TAS2R1: variants seen among roughly 807,000 people sequenced by gnomAD.
TAS2R1 encodes taste 2 receptor member 1.
For missense variants in TAS2R1, 370 were observed against 353.4 expected (o/e 1.05, Z -0.38); for synonymous variants, 141 against 134.2 (o/e 1.05, Z -0.35).
the TAS2R1 span, among the ~76,000 whole-genome samples, chr5:9,746,532 A>G: frequency 6.6e-6 from 1 of 152,222 alleles, no homozygotes; most frequent in African/African-American, 2.4e-5. Flanking sequence ...CCCATCAATG[A>G]TAGACTGGAT....
In TAS2R1 at chr5:9,629,650, C is replaced by A. The variant is rs1039815708; in HGVS notation, c.383G>T (p.Trp128Leu). The part of the protein sequence containing the change: ...LKMRISKLVP[W>L]MILGSLLYVS... ...ATATAGCAGAGACCCCAGGATCATC[C>A]ATGGGACCAGCTTGGATATCCTCAT... The change falls in exon 1 of 1, where the codon TGG becomes TTG. Residue 128 changes from tryptophan to leucine, a missense_variant. Physicochemically the swap from Trp to Leu is moderately conservative, Grantham distance 61. Transcript: ENST00000382492. The A allele has an allele frequency of 6.2e-7, 1 of 1,613,988 alleles. No homozygotes were observed. The highest frequency in any genetic ancestry group is 8.5e-7 in the Non-Finnish European group (1 of 1,180,022).
chr5:9,694,162 A>G (rs1304113352), intron 1 of TAS2R1, among the ~76,000 whole-genome samples: 1 of 152,238 alleles, frequency 6.6e-6, no homozygotes, highest in African/African-American at 2.4e-5. Context: ...CAAACCAATT[A>G]CAAAATTGAC....
rs534466070 is a variant in TAS2R1, at chr5:9,689,175, T to C, written c.-242+22997A>G. On this transcript the variant is annotated intron_variant, in intron 1 of 2. Transcript: ENST00000506620. ...ACCTGGCTAGCTCACTCACTCCATC[T>C]ATCTTCCTAGCTACCTACCTATCAT... 2.0e-5 allele frequency among the ~76,000 whole-genome samples: 3 copies of C among 152,294 alleles called. No homozygotes were observed. In the East Asian group the frequency reaches 5.8e-4, roughly 29 times the overall value.
At chr5:9,782,651 G>A in the TAS2R1 span, among the ~76,000 whole-genome samples, 17 of 152,178 alleles carry the variant, frequency 1.1e-4, no homozygotes, top group South Asian at 1.0e-3. Flanking sequence ...ACTGATGGGC[G>A]CATTAACCAC....
intron 1 of TAS2R1, among the ~76,000 whole-genome samples, chr5:9,697,489 A>G (rs769157033): frequency 1.3e-5 from 2 of 152,230 alleles, no homozygotes; most frequent in Non-Finnish European, 2.9e-5. Flanking sequence ...CACAGAATAA[A>G]TTAAAGTTCA....
the TAS2R1 span, among the ~76,000 whole-genome samples, chr5:9,767,752 C>T: frequency 6.6e-6 from 1 of 152,050 alleles, no homozygotes; most frequent in South Asian, 2.1e-4. Flanking sequence ...TGGTGAAACC[C>T]TGTCTGTACT....
chr5:9,676,811 G>A (rs1740886012), intron 1 of TAS2R1, among the ~76,000 whole-genome samples: 1 of 152,086 alleles, frequency 6.6e-6, no homozygotes, highest in African/African-American at 2.4e-5. Flanking sequence ...TTTGGTGGGA[G>A]TATAAATTAG....
At chr5:9,636,923 A>G (rs986263560) in intron 2 of TAS2R1, among the ~76,000 whole-genome samples, 2 of 151,876 alleles carry the variant, frequency 1.3e-5, no homozygotes, top group Non-Finnish European at 2.9e-5. Flanking sequence ...TTTACATTCA[A>G]TGATAGTATT....
At chr5:9,691,215 G>A (rs972858590) in intron 1 of TAS2R1, among the ~76,000 whole-genome samples, 6 of 152,304 alleles carry the variant, frequency 3.9e-5, no homozygotes, top group Non-Finnish European at 7.4e-5. Flanking sequence ...AGATAGACAG[G>A]GAGCAGAACA....
chr5:9,805,226 A>T, the TAS2R1 span, among the ~76,000 whole-genome samples: 1 of 152,122 alleles, frequency 6.6e-6, no homozygotes, highest in Admixed American at 6.5e-5. Flanking sequence ...GACTAATAAC[A>T]AGCAGGAAGA....
the TAS2R1 span, among the ~76,000 whole-genome samples, chr5:9,777,877 G>GTTTTT: frequency 5.6e-5 from 8 of 142,904 alleles, no homozygotes; most frequent in Non-Finnish European, 7.6e-5. Flanking sequence ...GAGGCCAGGT[G>GTTTTT]TTTTTTTTTT....
At chr5:9,774,444 T>G in the TAS2R1 span, among the ~76,000 whole-genome samples, 2 of 152,258 alleles carry the variant, frequency 1.3e-5, no homozygotes, top group Non-Finnish European at 2.9e-5. Flanking sequence ...TTAAGTTCGT[T>G]TAGTGAGATC....
At chr5:9,736,263 C>CCT in the TAS2R1 span, among the ~76,000 whole-genome samples, 1 of 152,206 alleles carries the variant, frequency 6.6e-6, no homozygotes, top group Non-Finnish European at 1.5e-5. Context: ...AGCCTTTTAG[C>CCT]TTTCCTGGCT....
chr5:9,808,521 A>T, the TAS2R1 span, among the ~76,000 whole-genome samples: 1 of 152,288 alleles, frequency 6.6e-6, no homozygotes, highest in South Asian at 2.1e-4. Flanking sequence ...AAAAAATGAG[A>T]ATGTTTGGAA....
the TAS2R1 span, among the ~76,000 whole-genome samples, chr5:9,729,216 A>G: frequency 6.6e-6 from 1 of 152,194 alleles, no homozygotes; most frequent in Admixed American, 6.5e-5. Context: ...GGACTGCAAA[A>G]GGAGGGTCTA....
At chr5:9,874,916 T>A in the TAS2R1 span, among the ~76,000 whole-genome samples, 3,239 of 152,290 alleles carry the variant, frequency 0.021, 53 homozygotes, top group Non-Finnish European at 0.035. Flanking sequence ...CCAAAAGTAA[T>A]GCAGATGGAC....
intron 2 of TAS2R1, among the ~76,000 whole-genome samples, chr5:9,649,551 C>T (rs1740262551): frequency 6.6e-6 from 1 of 152,102 alleles, no homozygotes; most frequent in African/African-American, 2.4e-5. Flanking sequence ...CTTCTATTTC[C>T]CCAATTTCCT....
At chr5:9,701,621 T>C (rs958662070) in intron 1 of TAS2R1, among the ~76,000 whole-genome samples, 5 of 152,188 alleles carry the variant, frequency 3.3e-5, no homozygotes, top group African/African-American at 1.2e-4. Context: ...TGATCAATGA[T>C]GATTAGACAA....
At chr5:9,694,556 T>A (rs16883375) in intron 1 of TAS2R1, among the ~76,000 whole-genome samples, 8,316 of 152,260 alleles carry the variant, frequency 0.055, 731 homozygotes, top group African/African-American at 0.19. Context: ...TCGTGGCCCA[T>A]CAATCTGTGA....
Sources: allele counts gnomAD v4.1 joint callset (sites outside exome capture counted in the v4.1 genomes callset), GRCh38; gene constraint gnomAD v4.1.1; transcripts MANE v1.5; gene names NCBI Gene and HGNC (gene_info 2026-07-23, HGNC 2026-07-21).